PKD1L1: variants seen among roughly 807,000 people sequenced by gnomAD.
The protein encoded by PKD1L1 is polycystin-1-like protein 1.
Under a neutral mutation model 323.4 loss-of-function variants are expected in PKD1L1, and 236 were observed. The observed-to-expected ratio is 0.73, with a 90% CI of 0.66 to 0.81. PKD1L1 has a LOEUF of 0.81. Among genes scored for constraint, PKD1L1 ranks in the 40% least tolerant of loss-of-function variants. PKD1L1 has a pLI of 0.00. For missense variants in PKD1L1, 3,320 were observed against 3,508.0 expected (o/e 0.95, Z 1.35); for synonymous variants, 1,344 against 1,335.0 (o/e 1.01, Z -0.15).
intron 8 of PKD1L1, among the ~76,000 whole-genome samples, chr7:47,915,035 G>T (rs1028393766): frequency 6.6e-6 from 1 of 152,188 alleles, no homozygotes; most frequent in Admixed American, 6.5e-5. Context: ...ATTAAAACTA[G>T]AAATTAATAA....
chr7:47,860,458 C>T (rs576667860), intron 26 of PKD1L1, among the ~76,000 whole-genome samples: 11 of 152,264 alleles, frequency 7.2e-5, no homozygotes, highest in Middle Eastern at 6.8e-3. Flanking sequence ...AACTGAGATT[C>T]TGTTTTCTAT....
chr7:47,887,595 C>T (rs959985653), intron 17 of PKD1L1, among the ~76,000 whole-genome samples: 5 of 152,224 alleles, frequency 3.3e-5, no homozygotes, highest in African/African-American at 9.6e-5. Context: ...AACCTTCCGC[C>T]CTGGTTCCTC....
At chr7:47,887,317 C>A (rs1786706511) in intron 17 of PKD1L1, among the ~76,000 whole-genome samples, 2 of 152,204 alleles carry the variant, frequency 1.3e-5, no homozygotes, top group Admixed American at 6.5e-5. Context: ...GGCTCTCCAG[C>A]TCAGAAATAA....
At position 47,894,009 on chromosome 7, in the gene PKD1L1, C is replaced by T. The variant is rs1163258780; in HGVS notation, c.2322G>A (p.Glu774=). ...VVYSNYCVGL[E]VRAQAPVSVI... ...CACTGACAGGGGCCTGGGCTCGCAC[C>T]TCCAGGCCCACACAGTAGTTGCTGT... The change falls in exon 15 of 57, where the codon GAG becomes GAA. Residue 774 remains glutamate (E), a synonymous_variant. Transcript: ENST00000289672. 3.1e-6 allele frequency: 5 copies of T among 1,609,842 alleles called. No individual in the cohort carries two copies. Among genetic ancestry groups the T allele is most frequent in the Admixed American group, 1.7e-5 (1 of 59,598 alleles).
chr7:47,942,184 A>C (rs181822040), intron 2 of PKD1L1, among the ~76,000 whole-genome samples: 3 of 152,292 alleles, frequency 2.0e-5, no homozygotes, highest in Admixed American at 1.3e-4. Flanking sequence ...CCCAAGTTTT[A>C]GTCAGATGGG....
At chr7:47,879,130 C>T (rs1192928013) in intron 21 of PKD1L1, among the ~76,000 whole-genome samples, 1 of 152,174 alleles carries the variant, frequency 6.6e-6, no homozygotes, top group African/African-American at 2.4e-5. Flanking sequence ...GTGGAAGGGG[C>T]AGGCAGATGT....
At chr7:47,958,305 C>T in the PKD1L1 span, among the ~76,000 whole-genome samples, 1 of 152,148 alleles carries the variant, frequency 6.6e-6, no homozygotes, top group African/African-American at 2.4e-5. Flanking sequence ...AACTGATATT[C>T]AACAAAGGCA....
chr7:47,928,366 TG>T (rs978682659), intron 7 of PKD1L1, among the ~76,000 whole-genome samples: 1 of 152,070 alleles, frequency 6.6e-6, no homozygotes, highest in African/African-American at 2.4e-5. Flanking sequence ...GTCAGGAGTT[TG>T]GGACCAGCTA....
In PKD1L1 at chr7:47,775,099, A is replaced by G. The variant is rs772546418; in HGVS notation, c.*44T>C. ...GCTAAAATTGGCTGTTGGGTGGGTT[A>G]AGCAAAACAGGGTCCATAGTGCCTA... On this transcript the variant is annotated 3_prime_UTR_variant, in exon 57 of 57. Transcript: ENST00000289672. 1 of 1,603,348 alleles carries G rather than the reference A, an allele frequency of 6.2e-7. No individual in the cohort carries two copies. Among genetic ancestry groups the G allele is most frequent in the South Asian group, 1.1e-5 (1 of 89,280 alleles).
At chr7:47,854,177 T>C (rs1325433827) in intron 30 of PKD1L1, among the ~76,000 whole-genome samples, 2 of 152,214 alleles carry the variant, frequency 1.3e-5, no homozygotes, top group Admixed American at 6.5e-5. Context: ...AAGGGCTGTG[T>C]GGACAGCGCC....
chr7:47,926,074 T>C (rs2128754562), intron 7 of PKD1L1, among the ~76,000 whole-genome samples: 1 of 152,332 alleles, frequency 6.6e-6, no homozygotes, highest in Non-Finnish European at 1.5e-5. Context: ...AAAATTTATG[T>C]TCTGTAGAGA....
chr7:47,818,173 G>A, intron 46 of PKD1L1: 1 of 1,367,420 alleles, frequency 7.3e-7, no homozygotes. Context: ...AACACAGATG[G>A]AGACAGAGAT....
chr7:47,891,165 G>A (rs1481486134), intron 15 of PKD1L1, among the ~76,000 whole-genome samples: 1 of 152,212 alleles, frequency 6.6e-6, no homozygotes, highest in African/African-American at 2.4e-5. Context: ...TGACAGACAA[G>A]AATGCTATGT....
At position 47,890,579 on chromosome 7, in the gene PKD1L1, G is replaced by A. The variant is rs749061984; in HGVS notation, c.2638C>T (p.Arg880Trp). ...SSGGRNSSETRVFLSPYPDSA... is the reference protein window; with the variant it reads ...SSGGRNSSETWVFLSPYPDSA... ...TCAGGGTAGGGGGACAGGAACACCC[G>A]GGTCTCAGAAGAGTTCCGGCCACCA... The change falls in exon 16 of 57, where the codon CGG (arginine) becomes TGG (tryptophan). Residue 880 changes from arginine (R) to tryptophan (W), a missense_variant. Transcript: ENST00000289672. The A allele has an allele frequency of 1.2e-5, 19 of 1,614,000 alleles. No homozygotes were observed. The East Asian group carries it at 3.3e-4, about 28-fold the overall frequency.
rs748879441 is a variant in PKD1L1, at chr7:47,943,454, G to A, written c.102C>T (p.Asp34=). ...TGCACAGATGAAGACCCCAGCTCTT[G>A]TCAGTGCTCACAGACAGCTCACCAC... ...SFGGELSVST[D]KSWGLHLCSC... is the part of the protein sequence containing the mutation. Residue 34 remains aspartate, a synonymous_variant, in exon 2 of 57, where the codon GAC becomes GAT. Transcript: ENST00000289672. The A allele has an allele frequency of 6.2e-7, 1 of 1,613,556 alleles. No homozygotes were observed. Among genetic ancestry groups the A allele is most frequent in the Non-Finnish European group, 8.5e-7 (1 of 1,179,692 alleles).
chr7:47,956,967 A>T, the PKD1L1 span: 1 of 153,202 alleles, frequency 6.5e-6, no homozygotes, highest in Non-Finnish European at 1.5e-5. Context: ...AGATACATAT[A>T]AAGATGAAGG....
chr7:47,884,576 G>C, intron 19 of PKD1L1, 22 bp downstream of exon 19: 1 of 1,609,150 alleles, frequency 6.2e-7, no homozygotes, highest in East Asian at 2.2e-5. Context: ...GAGAGAGGCA[G>C]CAGGCATAGA....
chr7:47,822,594 C>CAAATA (rs1785164572), intron 45 of PKD1L1, among the ~76,000 whole-genome samples: 1 of 71,402 alleles, frequency 1.4e-5, no homozygotes, highest in African/African-American at 5.9e-5. Context: ...GACTCCGTCT[C>CAAATA]AAAAAAAAAA....
At chr7:47,785,565 G>T (rs1460131107) in intron 56 of PKD1L1, among the ~76,000 whole-genome samples, 1 of 152,008 alleles carries the variant, frequency 6.6e-6, no homozygotes, top group Non-Finnish European at 1.5e-5. Context: ...AGAGTAGGAT[G>T]TAAAGACACC....
Sources: gnomAD v4.1 joint callset for allele counts (sites outside exome capture counted in the v4.1 genomes callset) on GRCh38, gnomAD v4.1.1 for gene constraint, MANE v1.5 for transcripts, NCBI Gene and HGNC (gene_info 2026-07-23, HGNC 2026-07-21) for gene names.